The following PARP8 variants were observed in gnomAD, a reference collection of about 807,000 sequenced individuals.
PARP8 encodes the protein poly(ADP-ribose) polymerase family member 8.
In PARP8, 51 loss-of-function variants were observed where a neutral mutation model predicts 124.1. The observed-to-expected ratio is 0.41, with a 90% CI of 0.33 to 0.52. The LOEUF (loss-of-function observed/expected upper bound fraction) is 0.52. Ranked by LOEUF, PARP8 falls within the 20% of genes least tolerant of loss-of-function variation. The pLI is 0.21. For missense variants in PARP8, 860 were observed against 1,018.9 expected (o/e 0.84, Z 2.12); for synonymous variants, 391 against 361.5 (o/e 1.08, Z -0.93).
rs909429048 is a variant in PARP8, at chr5:50,761,939, CT to C, written c.423+42del. ...CTTCCAAATACCTAGTCTTAAAGTT[CT>C]AATAGCCATGTTGTCCTAGTGGTAA... On this transcript the variant is annotated intron_variant, in intron 6 of 25. Transcript: ENST00000281631. The C allele has an allele frequency of 8.4e-6, 11 of 1,308,312 alleles. No homozygotes were observed. The African/African-American group carries it at 1.6e-4, about 19-fold the overall frequency. The allele number at this position is 1,308,312 out of a possible 1,614,324, so 81.0% of individuals were successfully genotyped here. A position where few individuals can be genotyped will look rare whatever the true frequency, so the allele number is the denominator to read the frequency against.
intron 7 of PARP8, among the ~76,000 whole-genome samples, chr5:50,774,961 G>T (rs1391866427): frequency 6.7e-6 from 1 of 149,884 alleles, no homozygotes; most frequent in East Asian, 2.0e-4. Flanking sequence ...TCCCAGACGG[G>T]GCGGCCGGCC....
chr5:50,771,088 A>G (rs1761576974), intron 7 of PARP8, among the ~76,000 whole-genome samples: 1 of 151,140 alleles, frequency 6.6e-6, no homozygotes, highest in South Asian at 2.1e-4. Context: ...AAAAATGGAA[A>G]TGTGCTCTCT....
intron 9 of PARP8, among the ~76,000 whole-genome samples, chr5:50,780,175 A>G (rs188944516): frequency 4.8e-4 from 73 of 152,318 alleles, no homozygotes; most frequent in Non-Finnish European, 8.1e-4. Flanking sequence ...GCTGTCTTCA[A>G]GTCATTAAAT....
chr5:50,739,709 C>CATATAT (rs372997958), intron 2 of PARP8, among the ~76,000 whole-genome samples: 2 of 101,038 alleles, frequency 2.0e-5, no homozygotes, highest in African/African-American at 8.4e-5. Context: ...TGGGTATATA[C>CATATAT]ATATATATAT....
intron 14 of PARP8, among the ~76,000 whole-genome samples, chr5:50,802,793 GA>G (rs1420727484): frequency 2.0e-5 from 3 of 151,636 alleles, no homozygotes; most frequent in East Asian, 1.9e-4. Context: ...AAAAAATCAG[GA>G]AAAAAAATCA....
At chr5:50,702,848 T>C (rs1165971599) in intron 2 of PARP8, among the ~76,000 whole-genome samples, 1 of 152,212 alleles carries the variant, frequency 6.6e-6, no homozygotes, top group Non-Finnish European at 1.5e-5. Context: ...AATATCTGTC[T>C]TTAATTCTCC....
At chr5:50,705,054 A>T (rs1334907758) in intron 2 of PARP8, among the ~76,000 whole-genome samples, 1 of 152,212 alleles carries the variant, frequency 6.6e-6, no homozygotes, top group East Asian at 1.9e-4. Flanking sequence ...TGGACAAAGC[A>T]GTGTCTTCAT....
At chr5:50,682,517 T>A (rs1579937289) in intron 2 of PARP8, among the ~76,000 whole-genome samples, 1 of 152,146 alleles carries the variant, frequency 6.6e-6, no homozygotes, top group East Asian at 1.9e-4. Flanking sequence ...ACCTTGTTAC[T>A]GCAGAAATGT....
chr5:50,823,436 A>G (rs942582393), intron 17 of PARP8, among the ~76,000 whole-genome samples: 2 of 152,204 alleles, frequency 1.3e-5, no homozygotes, highest in Non-Finnish European at 2.9e-5. Context: ...TTTAATTCAC[A>G]AATGTTATTA....
Position 50,771,151 on chromosome 5 carries a change from T to C in PARP8, c.519-6918T>C, listed in dbSNP as rs965328182. On this transcript the variant is annotated intron_variant, in intron 7 of 25. Coordinates refer to ENST00000281631, the MANE Select transcript of PARP8 (RefSeq NM_024615.4). ...CATATATATACACATATATATAATA[T>C]ATATATATTCATTTATTTATTTTTT... is the stretch of plus-strand genomic sequence containing the variant. Among the ~76,000 whole-genome samples, 131 of 150,456 alleles carry C rather than the reference T, an allele frequency of 8.7e-4. 1 individual carries two copies. Among genetic ancestry groups the C allele is most frequent in the African/African-American group, 2.9e-3 (120 of 41,180 alleles).
At position 50,728,097 on chromosome 5, in the gene PARP8, C is replaced by T. The variant is rs1443280465; in HGVS notation, c.147-22054C>T. On this transcript the variant is annotated intron_variant, in intron 2 of 25. Transcript: ENST00000281631. ...TAATTTTTGAATTCAAAATTCTTGC[C>T]AGTGCCGAGACCTTGGGAGTGCCAG... Among the ~76,000 whole-genome samples the T allele has an allele frequency of 3.5e-4, 53 of 152,048 alleles. 2 individuals are homozygous for T. Among genetic ancestry groups the T allele is most frequent in the Admixed American group, 3.5e-3 (53 of 15,268 alleles).
chr5:50,696,631 C>G (rs1753057048), intron 2 of PARP8, among the ~76,000 whole-genome samples: 3 of 152,246 alleles, frequency 2.0e-5, no homozygotes, highest in South Asian at 4.1e-4. Context: ...GATAGGCCAC[C>G]TTCTATTTTG....
chr5:50,829,970 T>C lies in PARP8; in HGVS notation c.2233+9T>C. 1 of 1,601,336 alleles carries C rather than the reference T, an allele frequency of 6.2e-7. No homozygotes were observed. The highest frequency in any genetic ancestry group is 8.5e-7 in the Non-Finnish European group (1 of 1,173,108). ...ATCATTTGGTTACTCAGGTAATTCC[T>C]GTATTTCATTTCTAAAGTCACATTT... On this transcript the variant is annotated intron_variant, in intron 22 of 25. Coordinates refer to ENST00000281631, the MANE Select transcript of PARP8 (RefSeq NM_024615.4).
chr5:50,696,562 C>T (rs1414835116), intron 2 of PARP8, among the ~76,000 whole-genome samples: 2 of 152,184 alleles, frequency 1.3e-5, no homozygotes, highest in Non-Finnish European at 2.9e-5. Flanking sequence ...TCTGCAACAG[C>T]GTTTCATGCT....
rs189998276 is a variant in PARP8 at position 50,750,243 on chromosome 5, T to G, written c.184+55T>G. The G allele has an allele frequency of 3.6e-3, 5,115 of 1,424,968 alleles. 16 individuals carry two copies. Among genetic ancestry groups the G allele is most frequent in the South Asian group, 4.3e-3 (367 of 85,684 alleles). 88.3% of individuals were successfully genotyped at this position (1,424,968 alleles called of 1,614,324 possible). A position where few individuals can be genotyped will look rare whatever the true frequency, so the allele number is the denominator to read the frequency against. On this transcript the variant is annotated intron_variant, in intron 3 of 25. Coordinates refer to ENST00000281631, the MANE Select transcript of PARP8 (RefSeq NM_024615.4). ...TCGTATCAGGGTTCCTTTGAATATT[T>G]TTTTCTTCTGGAGATGTAAAACGCA...
chr5:50,828,070 A>G lies in PARP8; in HGVS notation c.2090+14A>G. 6.6e-7 allele frequency: 1 copy of G among 1,525,296 alleles called. No individual in the cohort carries two copies. Among genetic ancestry groups the G allele is most frequent in the Non-Finnish European group, 9.1e-7 (1 of 1,099,422 alleles). The allele number at this position is 1,525,296 out of a possible 1,614,324, so 94.5% of individuals were successfully genotyped here. On this transcript the variant is annotated intron_variant, in intron 20 of 25. Coordinates refer to ENST00000281631, the MANE Select transcript of PARP8 (RefSeq NM_024615.4). The stretch of plus-strand genomic sequence containing the variant: ...CTTTGCATTTCAGTGAGTAAGGCTT[A>G]ATGTTAATGGGGGTGTGCTCCCATT...
intron 2 of PARP8, among the ~76,000 whole-genome samples, chr5:50,670,967 A>G (rs1324378413): frequency 1.3e-5 from 2 of 152,246 alleles, no homozygotes; most frequent in Non-Finnish European, 2.9e-5. Flanking sequence ...TATTCTAGCA[A>G]TGATCTTGAT....
At chr5:50,830,047 T>G in intron 22 of PARP8, 86 bp downstream of exon 22, 1 of 1,369,322 alleles carries the variant, frequency 7.3e-7, no homozygotes, top group Non-Finnish European at 9.5e-7. Context: ...CTTTCTATTG[T>G]GCCTTATTAG....
intron 10 of PARP8, among the ~76,000 whole-genome samples, chr5:50,790,075 G>T (rs1260358886): frequency 1.3e-5 from 2 of 152,092 alleles, no homozygotes; most frequent in Admixed American, 1.3e-4. Flanking sequence ...ACTCAAATGT[G>T]AGTTGTGTGC....
Sources: allele counts gnomAD v4.1 joint callset (sites outside exome capture counted in the v4.1 genomes callset), GRCh38; gene constraint gnomAD v4.1.1; transcripts MANE v1.5; gene names NCBI Gene and HGNC (gene_info 2026-07-23, HGNC 2026-07-21).